Variants in OSBPL8 observed in about 807,000 individuals in gnomAD.
The protein encoded by OSBPL8 is oxysterol-binding protein-related protein 8.
A neutral mutation model predicts 125.5 loss-of-function variants in OSBPL8; 59 were observed. That is an observed-to-expected ratio of 0.47 (90% confidence interval 0.38 to 0.58). OSBPL8 has a LOEUF of 0.58. Among genes scored for constraint, OSBPL8 ranks in the 20% least tolerant of loss-of-function variants. The pLI is 0.00. For synonymous variants in OSBPL8, 330 were observed against 338.9 expected (o/e 0.97, Z 0.29); for missense variants, 758 against 1,047.8 (o/e 0.72, Z 3.82).
At chr12:76,555,316 T>C (rs1018141908) in intron 1 of OSBPL8, among the ~76,000 whole-genome samples, 1 of 152,162 alleles carries the variant, frequency 6.6e-6, no homozygotes, top group Non-Finnish European at 1.5e-5. Flanking sequence ...CTTCAAAAAT[T>C]TGAGGCTTCT....
intron 1 of OSBPL8, among the ~76,000 whole-genome samples, chr12:76,502,836 C>T (rs1190959686): frequency 6.6e-6 from 1 of 152,174 alleles, no homozygotes; most frequent in African/African-American, 2.4e-5. Context: ...TGATCAGTTA[C>T]AGAGACAAAA....
chr12:76,358,795 A>AT lies in OSBPL8; in HGVS notation c.2344dup (p.Met782AsnfsTer4). On this transcript the variant is annotated frameshift_variant, in exon 22 of 24. Coordinates refer to ENST00000261183, the MANE Select transcript of OSBPL8 (RefSeq NM_020841.5). LOFTEE classifies it high-confidence loss of function. ...CTGTTGCCTGGTTGGCTTATGTTTCATTTTGGGGACGCTAACCTAAAGAAA... is the reference window on the plus strand; with the variant it reads ...CTGTTGCCTGGTTGGCTTATGTTTCATTTTTGGGGACGCTAACCTAAAGAAA... 6.2e-7 allele frequency: 1 copy of AT among 1,613,944 alleles called. No homozygotes were observed.
chr12:76,428,593 A>AT (rs2136552504), intron 4 of OSBPL8, among the ~76,000 whole-genome samples: 1 of 152,204 alleles, frequency 6.6e-6, no homozygotes, highest in South Asian at 2.1e-4. Context: ...GCTTTAAGAG[A>AT]TTTTAAAATC....
At chr12:76,485,929 G>C (rs1878081248) in intron 2 of OSBPL8, 2 of 315,962 alleles carry the variant, frequency 6.3e-6, no homozygotes, top group Non-Finnish European at 1.2e-5. Flanking sequence ...AAGTCCATTA[G>C]ATATAAAAAA....
rs908634453 is a variant in OSBPL8 at position 76,353,440 on chromosome 12, A to C, written c.*2449T>G. 6.6e-6 allele frequency: 1 copy of C among 151,934 alleles called. No homozygotes were observed. Among genetic ancestry groups the C allele is most frequent in the Non-Finnish European group, 1.5e-5 (1 of 67,828 alleles). The allele number at this position is 151,934 out of a possible 1,614,324, so 9.4% of individuals were successfully genotyped here. A position where few individuals can be genotyped will look rare whatever the true frequency, so the allele number is the denominator to read the frequency against. ...AATTAAATTTTCATGTAGGAAAATAAAATCTTGGTAAATGAAAAAAACTGG... is the reference window on the plus strand; with the variant it reads ...AATTAAATTTTCATGTAGGAAAATACAATCTTGGTAAATGAAAAAAACTGG... On this transcript the variant is annotated 3_prime_UTR_variant, in exon 24 of 24. Coordinates refer to ENST00000261183, the MANE Select transcript of OSBPL8 (RefSeq NM_020841.5).
At chr12:76,410,302 T>C (rs1229003310) in intron 5 of OSBPL8, among the ~76,000 whole-genome samples, 3 of 152,102 alleles carry the variant, frequency 2.0e-5, no homozygotes, top group South Asian at 4.1e-4. Context: ...AGACTCAAGT[T>C]TGAGAAGTGC....
chr12:76,428,552 T>C (rs1870432629), intron 4 of OSBPL8, among the ~76,000 whole-genome samples: 1 of 152,096 alleles, frequency 6.6e-6, no homozygotes, highest in African/African-American at 2.4e-5. Flanking sequence ...AGTTACACAT[T>C]TTATCTTGAA....
At chr12:76,554,028 T>A (rs1054785612) in intron 1 of OSBPL8, among the ~76,000 whole-genome samples, 1 of 148,674 alleles carries the variant, frequency 6.7e-6, no homozygotes, top group Admixed American at 6.7e-5. Flanking sequence ...ATTCTGTGAA[T>A]CAGCCTTATT....
intron 1 of OSBPL8, among the ~76,000 whole-genome samples, chr12:76,500,714 CTTCTTTTTTCTTTTTT>C (rs1667321308): frequency 6.6e-6 from 1 of 152,012 alleles, no homozygotes; most frequent in Non-Finnish European, 1.5e-5. Context: ...AAAGATTTTC[CTTCTTTTTTCTTTTTT>C]TTCTTTTTTC....
chr12:76,494,341 G>T (rs993533328), intron 1 of OSBPL8, among the ~76,000 whole-genome samples: 3 of 152,060 alleles, frequency 2.0e-5, no homozygotes, highest in African/African-American at 7.2e-5. Context: ...TGACTGGGTG[G>T]GAGTCTTTTA....
intron 1 of OSBPL8, among the ~76,000 whole-genome samples, chr12:76,531,993 C>T (rs1403748312): frequency 6.8e-5 from 10 of 146,458 alleles, no homozygotes; most frequent in Non-Finnish European, 1.0e-4. Flanking sequence ...GCCGAGATCG[C>T]GCCACTGCAC....
chr12:76,520,242 A>C (rs985394037), intron 1 of OSBPL8, among the ~76,000 whole-genome samples: 1 of 152,212 alleles, frequency 6.6e-6, no homozygotes, highest in African/African-American at 2.4e-5. Flanking sequence ...ACAAAAAAGA[A>C]AGAAAGAAAC....
At chr12:76,434,633 AAACTC>A (rs1247117161) in intron 4 of OSBPL8, among the ~76,000 whole-genome samples, 1 of 152,214 alleles carries the variant, frequency 6.6e-6, no homozygotes, top group Non-Finnish European at 1.5e-5. Context: ...AATATATTAA[AAACTC>A]AACTCAATAA....
At chr12:76,556,643 T>C (rs1243036290) in intron 1 of OSBPL8, among the ~76,000 whole-genome samples, 2 of 152,140 alleles carry the variant, frequency 1.3e-5, no homozygotes, top group South Asian at 2.1e-4. Flanking sequence ...CTAAAAATTG[T>C]ATATTTCTCA....
At chr12:76,422,359 A>T (rs893597502) in intron 4 of OSBPL8, among the ~76,000 whole-genome samples, 6 of 152,216 alleles carry the variant, frequency 3.9e-5, no homozygotes, top group African/African-American at 1.4e-4. Context: ...AATATGGAAA[A>T]GCCAAGCTGT....
chr12:76,450,918 T>C lies in OSBPL8; in HGVS notation c.150A>G (p.Glu50=). Reference sequence around the variant, plus strand: ...AATCTTTGGTTGGCGTTGGATAAGCTTCTTTTCCTTGGCGCTGACTCATCT... The same window carrying C: ...AATCTTTGGTTGGCGTTGGATAAGCCTCTTTTCCTTGGCGCTGACTCATCT... ...PGKMSQRQGK[E]AYPTPTKDLH... The change falls in exon 4 of 24, where the codon GAA becomes GAG. Residue 50 remains glutamate, a synonymous_variant. Transcript: ENST00000261183. 6.2e-7 allele frequency: 1 copy of C among 1,614,128 alleles called. No homozygotes were observed. Among genetic ancestry groups the C allele is most frequent in the South Asian group, 1.1e-5 (1 of 91,086 alleles).
chr12:76,364,794 G>T (rs924078293), intron 21 of OSBPL8, among the ~76,000 whole-genome samples: 1 of 152,064 alleles, frequency 6.6e-6, no homozygotes, highest in Non-Finnish European at 1.5e-5. Flanking sequence ...TTTTGAAATC[G>T]AAAAGTGAGA....
At chr12:76,546,647 G>A (rs1377584144) in intron 1 of OSBPL8, among the ~76,000 whole-genome samples, 1 of 151,944 alleles carries the variant, frequency 6.6e-6, no homozygotes, top group African/African-American at 2.4e-5. Flanking sequence ...AAGGAATAAA[G>A]GATTCAATCG....
chr12:76,401,033 C>T (rs1954032168), intron 6 of OSBPL8, among the ~76,000 whole-genome samples: 2 of 151,960 alleles, frequency 1.3e-5, no homozygotes, highest in African/African-American at 2.4e-5. Context: ...AAGTGATCCG[C>T]CCGCCTCTCA....
Sources: allele counts gnomAD v4.1 joint callset (sites outside exome capture counted in the v4.1 genomes callset), GRCh38; gene constraint gnomAD v4.1.1; transcripts MANE v1.5; gene names NCBI Gene and HGNC (gene_info 2026-07-23, HGNC 2026-07-21).